LPP: variants seen among roughly 807,000 people sequenced by gnomAD.
LPP encodes the protein LIM domain containing preferred translocation partner in lipoma, also known as lipoma-preferred partner.
Under a neutral mutation model 60.4 loss-of-function variants are expected in LPP, and 38 were observed. The ratio of observed to expected loss-of-function variants is 0.63; its 90% CI spans 0.49 to 0.83. The LOEUF is 0.83. Ranked by LOEUF, LPP falls within the 40% of genes least tolerant of loss-of-function variation. The probability of loss-of-function intolerance (pLI) is 0.00; values close to 1 mark genes in which losing one functional copy is unlikely to be tolerated. For missense variants in LPP, 902 were observed against 783.6 expected, an observed-to-expected ratio of 1.15 and a Z score of -1.80; for synonymous variants, 328 against 290.8, an observed-to-expected ratio of 1.13 and a Z score of -1.30.
intron 5 of LPP, among the ~76,000 whole-genome samples, chr3:188,517,672 G>GT (rs1422767424): frequency 6.6e-6 from 1 of 152,124 alleles, no homozygotes; most frequent in Non-Finnish European, 1.5e-5. Context: ...CATGGCGGTG[G>GT]TAAGAGAAAA....
intron 9 of LPP, among the ~76,000 whole-genome samples, chr3:188,783,878 A>G (rs1311711305): frequency 6.8e-5 from 2 of 29,222 alleles, no homozygotes; most frequent in Non-Finnish European, 1.2e-4. Flanking sequence ...TCTCATTCTT[A>G]CAAAACTGTC....
At chr3:188,388,508 G>A (rs1778902204) in intron 3 of LPP, among the ~76,000 whole-genome samples, 1 of 152,142 alleles carries the variant, frequency 6.6e-6, no homozygotes. Flanking sequence ...GGAATAGATG[G>A]GAGGTCAAAG....
chr3:188,653,569 A>C (rs1160621018), intron 7 of LPP, among the ~76,000 whole-genome samples: 1 of 152,180 alleles, frequency 6.6e-6, no homozygotes, highest in Non-Finnish European at 1.5e-5. Flanking sequence ...AGTTTGGAGT[A>C]GAAGACTGAC....
intron 1 of LPP, among the ~76,000 whole-genome samples, chr3:188,189,414 G>A (rs1440461632): frequency 2.0e-5 from 3 of 152,192 alleles, no homozygotes; most frequent in African/African-American, 7.2e-5. Flanking sequence ...TGAGATGTGC[G>A]AGAGTGATAG....
At chr3:188,419,618 C>T (rs948496295) in intron 4 of LPP, among the ~76,000 whole-genome samples, 5 of 152,152 alleles carry the variant, frequency 3.3e-5, no homozygotes, top group East Asian at 1.9e-4. Flanking sequence ...ATGCACTAGG[C>T]GTGGTGGCTC....
intron 3 of LPP, among the ~76,000 whole-genome samples, chr3:188,378,284 G>C (rs986170932): frequency 2.6e-5 from 4 of 152,232 alleles, no homozygotes; most frequent in Non-Finnish European, 5.9e-5. Context: ...CTTTTTGTTT[G>C]TCTGTGCCCT....
rs114602173 is a variant in LPP, at chr3:188,699,825, G to T, written c.1114-8442G>T. On this transcript the variant is annotated intron_variant, in intron 7 of 11. Coordinates refer to ENST00000617246, the MANE Select transcript of LPP (RefSeq NM_001375462.1). ...AATCATCTGCCCCTGGCCAGAAGGGGTTCTCCTTCCATTTAAGCAGTGAGA... is the reference window on the plus strand; with the variant it reads ...AATCATCTGCCCCTGGCCAGAAGGGTTTCTCCTTCCATTTAAGCAGTGAGA... Among the ~76,000 whole-genome samples, 502 of 152,228 alleles carry T rather than the reference G, an allele frequency of 3.3e-3. 2 individuals are homozygous for T. Among genetic ancestry groups the T allele is most frequent in the African/African-American group, 0.011 (470 of 41,532 alleles).
At chr3:188,205,059 C>G (rs1732786170) in intron 1 of LPP, among the ~76,000 whole-genome samples, 1 of 152,096 alleles carries the variant, frequency 6.6e-6, no homozygotes, top group Non-Finnish European at 1.5e-5. Context: ...GTACTGCCTG[C>G]TTTTCCATTT....
chr3:188,454,774 A>T (rs980061867), intron 4 of LPP, among the ~76,000 whole-genome samples: 1 of 152,158 alleles, frequency 6.6e-6, no homozygotes, highest in Non-Finnish European at 1.5e-5. Context: ...AAACTTATTC[A>T]CTACCATGAG....
chr3:188,252,071 T>TATATAC (rs1553836888), intron 2 of LPP, among the ~76,000 whole-genome samples: 1 of 93,884 alleles, frequency 1.1e-5, no homozygotes, highest in African/African-American at 5.2e-5. Context: ...TATATATATA[T>TATATAC]ATATACACAC....
At chr3:188,365,588 G>C (rs1220638605) in intron 3 of LPP, among the ~76,000 whole-genome samples, 1 of 152,004 alleles carries the variant, frequency 6.6e-6, no homozygotes, top group Non-Finnish European at 1.5e-5. Context: ...AGCAGTCTTT[G>C]TGAGACTGGA....
At position 188,733,642 on chromosome 3, in the gene LPP, G is replaced by A. The variant is rs566859656; in HGVS notation, c.1240+25249G>A. 2.0e-5 allele frequency among the ~76,000 whole-genome samples: 3 copies of A among 152,206 alleles called. No individual in the cohort carries two copies. In the South Asian group the frequency reaches 6.2e-4, roughly 32 times the overall value. On this transcript the variant is annotated intron_variant, in intron 8 of 11. Coordinates refer to ENST00000617246, the MANE Select transcript of LPP (RefSeq NM_001375462.1). ...TTGTTGTTGTTGATGTGTGGTTATT[G>A]CTAGTTTAAAGGAAACTCTTGACTT... is the stretch of plus-strand genomic sequence containing the variant.
At chr3:188,620,743 AC>A (rs1029391297) in intron 7 of LPP, among the ~76,000 whole-genome samples, 6 of 152,148 alleles carry the variant, frequency 3.9e-5, no homozygotes, top group African/African-American at 1.4e-4. Context: ...CAATGGGGCT[AC>A]CCCATTTTCC....
At chr3:188,732,457 G>A (rs1244243790) in intron 8 of LPP, among the ~76,000 whole-genome samples, 1 of 151,986 alleles carries the variant, frequency 6.6e-6, no homozygotes, top group Non-Finnish European at 1.5e-5. Context: ...AACTAATATT[G>A]GTCAAAAAAG....
At chr3:188,243,105 T>C (rs1031407514) in intron 2 of LPP, among the ~76,000 whole-genome samples, 1 of 152,146 alleles carries the variant, frequency 6.6e-6, no homozygotes, top group African/African-American at 2.4e-5. Flanking sequence ...GATCAAACTA[T>C]AATTAATATA....
chr3:188,828,614 C>CAAAAAAAAAAAAAAAAAAAAAAA lies in LPP; in HGVS notation c.1411-37582_1411-37560dup, dbSNP rs71169022. 1.3e-4 allele frequency among the ~76,000 whole-genome samples: 4 copies of CAAAAAAAAAAAAAAAAAAAAAAA among 31,330 alleles called. 2 individuals are homozygous for CAAAAAAAAAAAAAAAAAAAAAAA. The highest frequency in any genetic ancestry group is 2.1e-4 in the Non-Finnish European group (4 of 19,234). 20.6% of individuals were successfully genotyped at this position (31,330 alleles called of 152,430 possible). ...TGGCAACAAGAGCGAAACTCTGTCT[C>CAAAAAAAAAAAAAAAAAAAAAAA]AAAAAAAAAAAAAAAAAAAAAAAAA... is the stretch of plus-strand genomic sequence containing the variant. On this transcript the variant is annotated intron_variant, in intron 9 of 11. Coordinates refer to ENST00000617246, the MANE Select transcript of LPP (RefSeq NM_001375462.1).
chr3:188,271,582 C>T (rs376981850), intron 2 of LPP, among the ~76,000 whole-genome samples: 96 of 152,302 alleles, frequency 6.3e-4, no homozygotes, highest in African/African-American at 2.2e-3. Context: ...AGGTGGACTA[C>T]GGTCACTTTC....
chr3:188,358,925 C>T (rs1768407519), intron 3 of LPP, among the ~76,000 whole-genome samples: 1 of 152,214 alleles, frequency 6.6e-6, no homozygotes, highest in African/African-American at 2.4e-5. Flanking sequence ...ATGCTGCACC[C>T]TCTGGTGCTC....
intron 7 of LPP, among the ~76,000 whole-genome samples, chr3:188,655,633 A>T (rs947650298): frequency 6.6e-6 from 1 of 152,172 alleles, no homozygotes; most frequent in African/African-American, 2.4e-5. Context: ...CTCTGGGTTG[A>T]ATAGATCACC....
Sources: allele counts gnomAD v4.1 joint callset (sites outside exome capture counted in the v4.1 genomes callset), GRCh38; gene constraint gnomAD v4.1.1; transcripts MANE v1.5; gene names NCBI Gene and HGNC (gene_info 2026-07-23, HGNC 2026-07-21).